FCHSD1: variants seen among roughly 807,000 people sequenced by gnomAD.
FCHSD1 encodes the protein FCH and double SH3 domains 1, also known as F-BAR and double SH3 domains protein 1.
A neutral mutation model predicts 101.3 loss-of-function variants in FCHSD1; 109 were observed. The observed-to-expected ratio is 1.08, with a 90% CI of 0.92 to 1.26. FCHSD1 has a LOEUF of 1.26. FCHSD1 is among the 50% of genes most tolerant of loss of function. The pLI is 0.00. For synonymous variants in FCHSD1, 291 were observed against 356.8 expected, an observed-to-expected ratio of 0.82 and a Z score of 2.08; for missense variants, 820 against 895.8, an observed-to-expected ratio of 0.92 and a Z score of 1.08.
Position 141,646,643 on chromosome 5 carries a change from C to T in FCHSD1, c.1004G>A (p.Arg335Gln), listed in dbSNP as rs753780210. 3 of 1,612,962 alleles carry T rather than the reference C, an allele frequency of 1.9e-6. No individual in the cohort carries two copies. Among genetic ancestry groups the T allele is most frequent in the African/African-American group, 1.3e-5 (1 of 74,850 alleles). Residue 335 changes from arginine to glutamine, a missense_variant, in exon 11 of 20, where the codon CGA becomes CAA. Transcript: ENST00000435817. The part of the protein sequence containing the change: ...LEKEVQRLTS[R>Q]AARDYKIQNH... ...CTGGATCTTGTAGTCACGGGCAGCTCGGCTGGTCAAGCGCTGAACCTCTTT... is the reference window on the plus strand; with the variant it reads ...CTGGATCTTGTAGTCACGGGCAGCTTGGCTGGTCAAGCGCTGAACCTCTTT...
chr5:141,647,766 C>T (rs2154598447), intron 8 of FCHSD1: 2 of 966,242 alleles, frequency 2.1e-6, no homozygotes, highest in East Asian at 5.3e-5. Context: ...GATGAGGAAT[C>T]TGGGGTTCGG....
chr5:141,650,524 A>T (rs978640444), intron 2 of FCHSD1, 120 bp from the exon 3 acceptor site: 23 of 1,102,552 alleles, frequency 2.1e-5, no homozygotes, highest in Non-Finnish European at 3.2e-5. Context: ...AGGTTCCTAG[A>T]GTGTAACTAC....
rs556863623 is a variant in FCHSD1, at chr5:141,640,626, C to G, written c.*872G>C. The G allele has an allele frequency of 6.5e-7, 1 of 1,538,880 alleles. No individual in the cohort carries two copies. The highest frequency in any genetic ancestry group is 8.7e-7 in the Non-Finnish European group (1 of 1,145,052). On this transcript the variant is annotated 3_prime_UTR_variant, in exon 20 of 20. Transcript: ENST00000435817. Reference sequence around the variant, plus strand: ...GGAGCCCCAGGGGAAAAGCTGGACACAGCTTGAACAGGAAGCAACAGTGTT... The same window carrying G: ...GGAGCCCCAGGGGAAAAGCTGGACAGAGCTTGAACAGGAAGCAACAGTGTT...
rs1254482654 is a variant in FCHSD1 at position 141,649,151 on chromosome 5, C to T, written c.512+21G>A. The T allele has an allele frequency of 6.2e-7, 1 of 1,613,992 alleles. No homozygotes were observed. Among genetic ancestry groups the T allele is most frequent in the Admixed American group, 1.7e-5 (1 of 60,022 alleles). Reference sequence around the variant, plus strand: ...CTCCCTGTTCCCCAACCTTGGGCTTCCTCACTCTCCATGACCCCACCTGGC... The same window carrying T: ...CTCCCTGTTCCCCAACCTTGGGCTTTCTCACTCTCCATGACCCCACCTGGC... On this transcript the variant is annotated intron_variant, in intron 6 of 19. Coordinates refer to ENST00000435817, the MANE Select transcript of FCHSD1 (RefSeq NM_033449.3). This position sits in a 1 kb window ranked among gnomAD's most constrained non-coding sequence, Gnocchi z 4.1.
rs1267916462 is a variant in FCHSD1 at position 141,640,350 on chromosome 5, T to G, written c.*1148A>C. ...GCTGGGCTCTTATTGCTCTCTACTCTGGGGGGCACTGATAGGACCTACTCC... is the reference window on the plus strand; with the variant it reads ...GCTGGGCTCTTATTGCTCTCTACTCGGGGGGGCACTGATAGGACCTACTCC... On this transcript the variant is annotated 3_prime_UTR_variant, in exon 20 of 20. Coordinates refer to ENST00000435817, the MANE Select transcript of FCHSD1 (RefSeq NM_033449.3). The G allele has an allele frequency of 1.9e-6, 3 of 1,613,866 alleles. No homozygotes were observed. In the Admixed American group the frequency reaches 5.0e-5, roughly 27 times the overall value.
chr5:141,639,400 T>A lies in FCHSD1; in HGVS notation c.*2098A>T. 1 of 1,406,016 alleles carries A rather than the reference T, an allele frequency of 7.1e-7. No individual in the cohort carries two copies. The highest frequency in any genetic ancestry group is 9.8e-7 in the Non-Finnish European group (1 of 1,025,322). The allele number at this position is 1,406,016 out of a possible 1,614,324, so 87.1% of individuals were successfully genotyped here. A position where few individuals can be genotyped will look rare whatever the true frequency, so the allele number is the denominator to read the frequency against. ...TTTTAAGGAGCATGCTGAAAGAACG[T>A]AAGAAACAAAACATGAAGGGAAATG... On this transcript the variant is annotated 3_prime_UTR_variant, in exon 20 of 20. Coordinates refer to ENST00000435817, the MANE Select transcript of FCHSD1 (RefSeq NM_033449.3). This position sits in a 1 kb window ranked among gnomAD's most constrained non-coding sequence, Gnocchi z 4.4.
chr5:141,640,108 T>C lies in FCHSD1; in HGVS notation c.*1390A>G, dbSNP rs1596455398. ...CCCCCTGAGAGGCCACAGCCCCAGG[T>C]CCTAGCCAGCCCCCCAGTACAGAAT... is the stretch of plus-strand genomic sequence containing the variant. On this transcript the variant is annotated 3_prime_UTR_variant, in exon 20 of 20. Transcript: ENST00000435817. 6.2e-7 allele frequency: 1 copy of C among 1,613,562 alleles called. No individual in the cohort carries two copies. The highest frequency in any genetic ancestry group is 8.5e-7 in the Non-Finnish European group (1 of 1,179,842).
Position 141,639,638 on chromosome 5 carries a change from C to A in FCHSD1, c.*1860G>T, listed in dbSNP as rs1333622066. ...CCCGGACAGGGGAGACCACTGTGTT[C>A]TCTGTGGGCAGGTGGGGCAGGTGCT... On this transcript the variant is annotated 3_prime_UTR_variant, in exon 20 of 20. Transcript: ENST00000435817. The surrounding 1 kb of genome is among the most constrained non-coding windows in gnomAD (Gnocchi z 4.4). 1 of 1,604,188 alleles carries A rather than the reference C, an allele frequency of 6.2e-7. No homozygotes were observed. Among genetic ancestry groups the A allele is most frequent in the East Asian group, 2.2e-5 (1 of 44,718 alleles).
At chr5:141,646,231 T>C in intron 11 of FCHSD1, 40 bp from the exon 12 acceptor site, 1 of 1,522,752 alleles carries the variant, frequency 6.6e-7, no homozygotes, top group South Asian at 1.2e-5. Flanking sequence ...GTGGAAATAC[T>C]GTGGGGCATG....
intron 10 of FCHSD1, 26 bp from the exon 11 acceptor site, chr5:141,646,748 G>A: frequency 1.2e-6 from 2 of 1,607,578 alleles, no homozygotes; most frequent in Non-Finnish European, 1.7e-6. Context: ...GGTGCTGTGA[G>A]GAGGACCTGA....
intron 17 of FCHSD1, 39 bp downstream of exon 17, chr5:141,644,179 A>G (rs879097229): frequency 7.7e-6 from 12 of 1,564,018 alleles, no homozygotes; most frequent in Non-Finnish European, 1.0e-5. Context: ...GGGTCAACCC[A>G]GAGGTGCCTG....
intron 11 of FCHSD1, 180 bp from the exon 12 acceptor site, chr5:141,646,371 C>A: frequency 1.1e-6 from 1 of 914,968 alleles, no homozygotes. Context: ...GAGGTTAAGT[C>A]ACTCCCTTAC....
At position 141,639,858 on chromosome 5, in the gene FCHSD1, AG is replaced by A; in HGVS notation, c.*1639del. ...CCAAACTCAGGATGTCCCTGGTCAG[AG>A]GGGAGGGCCAAGCAGCCTCTGAGTT... On this transcript the variant is annotated 3_prime_UTR_variant, in exon 20 of 20. Transcript: ENST00000435817. This position sits in a 1 kb window ranked among gnomAD's most constrained non-coding sequence, Gnocchi z 4.4. 6.4e-7 allele frequency: 1 copy of A among 1,563,156 alleles called. No individual in the cohort carries two copies.
chr5:141,643,418 C>T (rs576585440), intron 17 of FCHSD1, among the ~76,000 whole-genome samples: 144 of 152,334 alleles, frequency 9.5e-4, no homozygotes, highest in African/African-American at 3.4e-3. Context: ...TCCAAAATCA[C>T]GAAGCCAGTT....
At chr5:141,647,775 G>T in intron 8 of FCHSD1, 193 bp downstream of exon 8, 1 of 984,782 alleles carries the variant, frequency 1.0e-6, no homozygotes, top group Non-Finnish European at 1.5e-6. Context: ...TCTGGGGTTC[G>T]GAAGAGTTTA....
intron 7 of FCHSD1, 92 bp from the exon 8 acceptor site, chr5:141,648,188 CATT>C: frequency 6.2e-6 from 9 of 1,451,606 alleles, no homozygotes; most frequent in African/African-American, 1.4e-5. Context: ...TGGATTCTCA[CATT>C]ATTGAGTGCT....
intron 19 of FCHSD1, 23 bp from the exon 20 acceptor site, chr5:141,641,586 G>A: frequency 6.3e-7 from 1 of 1,582,898 alleles, no homozygotes; most frequent in Non-Finnish European, 8.6e-7. Context: ...CACAGTTAGT[G>A]CTCCAGAGTT....
rs1472017213 is a variant in FCHSD1, at chr5:141,640,082, G to T, written c.*1416C>A. 2 of 1,613,368 alleles carry T rather than the reference G, an allele frequency of 1.2e-6. No individual in the cohort carries two copies. The highest frequency in any genetic ancestry group is 2.7e-5 in the African/African-American group (2 of 74,898). Reference sequence around the variant, plus strand: ...CAGGGATGCCTGCCATGGAGAGGCTGCCCCCTGAGAGGCCACAGCCCCAGG... The same window carrying T: ...CAGGGATGCCTGCCATGGAGAGGCTTCCCCCTGAGAGGCCACAGCCCCAGG... On this transcript the variant is annotated 3_prime_UTR_variant, in exon 20 of 20. Coordinates refer to ENST00000435817, the MANE Select transcript of FCHSD1 (RefSeq NM_033449.3).
intron 7 of FCHSD1, among the ~76,000 whole-genome samples, 164 bp downstream of exon 7, chr5:141,648,793 A>G (rs2099907997): frequency 6.6e-6 from 1 of 152,164 alleles, no homozygotes; most frequent in African/African-American, 2.4e-5. Context: ...ATAGAAGAAA[A>G]TAAGGCTCAC....
Sources: gnomAD v4.1 joint callset for allele counts (sites outside exome capture counted in the v4.1 genomes callset) on GRCh38, gnomAD v4.1.1 for gene constraint, Gnocchi (gnomAD v3.1) non-coding constraint, MANE v1.5 for transcripts, NCBI Gene and HGNC (gene_info 2026-07-23, HGNC 2026-07-21) for gene names.